PATE1: variants seen among roughly 807,000 people sequenced by gnomAD.
PATE1 encodes the protein prostate and testis expressed protein 1.
PATE1 carries 21 observed loss-of-function variants against 13.1 expected under a neutral mutation model. That is an observed-to-expected ratio of 1.61 (90% CI 1.14 to 2.31). PATE1 has a LOEUF of 2.31. Among genes scored for constraint, PATE1 ranks in the 30% most tolerant of loss-of-function variants. PATE1 has a pLI of 0.00. For missense variants in PATE1, 166 were observed against 147.2 expected, an observed-to-expected ratio of 1.13 and a Z score of -0.66; for synonymous variants, 52 against 47.1, an observed-to-expected ratio of 1.10 and a Z score of -0.43.
chr11:125,747,987 G>A (rs1943288800), intron 4 of PATE1, 165 bp downstream of exon 4: 8 of 1,051,738 alleles, frequency 7.6e-6, no homozygotes, highest in Non-Finnish European at 6.7e-6. Flanking sequence ...AAAATTAGAT[G>A]GAGGTGGTCA....
Position 125,746,642 on chromosome 11 carries a change from C to A in PATE1, c.53-19C>A, listed in dbSNP as rs1193800300. On this transcript the variant is annotated intron_variant, in intron 1 of 4. Transcript: ENST00000305738. Reference sequence around the variant, plus strand: ...AAAATGAGGTCTGCAGACAGTGTATCTCTTTTTTTTTCCAACAGCATTATC... The same window carrying A: ...AAAATGAGGTCTGCAGACAGTGTATATCTTTTTTTTTCCAACAGCATTATC... 1 of 1,613,344 alleles carries A rather than the reference C, an allele frequency of 6.2e-7. No homozygotes were observed.
In PATE1 at chr11:125,748,698, T is replaced by A. The variant is rs1243525303; in HGVS notation, c.346T>A (p.Cys116Ser). ...WSVYLVNFRCCRSHDLCNEDL is the reference protein window; with the variant it reads ...WSVYLVNFRCSRSHDLCNEDL ...TGTCTATTTGGTGAACTTCAGGTGC[T>A]GCAGGAGCCATGACCTGTGCAATGA... The change falls in exon 5 of 5, where the codon TGC (cysteine) becomes AGC (serine). Residue 116 changes from cysteine to serine, a missense_variant. Transcript: ENST00000305738. The A allele has an allele frequency of 4.3e-6, 7 of 1,613,810 alleles. No individual in the cohort carries two copies. Among genetic ancestry groups the A allele is most frequent in the Admixed American group, 1.7e-5 (1 of 59,988 alleles).
Position 125,748,814 on chromosome 11 carries a change from TCACACACA to T in PATE1, c.*95_*102del. ...CTTCACAATGACTTTCTAAAAAAAA[TCACACACA>T]CACACACACACACTACAGAAGAGGA... On this transcript the variant is annotated 3_prime_UTR_variant, in exon 5 of 5. Coordinates refer to ENST00000305738, the MANE Select transcript of PATE1 (RefSeq NM_138294.3). 1.9e-6 allele frequency: 2 copies of T among 1,043,796 alleles called. No individual in the cohort carries two copies. Among genetic ancestry groups the T allele is most frequent in the Non-Finnish European group, 2.6e-6 (2 of 767,966 alleles). The allele number at this position is 1,043,796 out of a possible 1,614,324, so 64.7% of individuals were successfully genotyped here.
chr11:125,748,702 G>A lies in PATE1; in HGVS notation c.350G>A (p.Arg117Lys), dbSNP rs763058421. The A allele has an allele frequency of 7.4e-6, 12 of 1,613,900 alleles. No homozygotes were observed. The highest frequency in any genetic ancestry group is 1.0e-5 in the Non-Finnish European group (12 of 1,179,890). The change falls in exon 5 of 5, where the codon AGG becomes AAG. Residue 117 changes from arginine (R) to lysine (K), a missense_variant. Physicochemically the swap from Arg to Lys is conservative, Grantham distance 26. Transcript: ENST00000305738. ...SVYLVNFRCC[R>K]SHDLCNEDL ...TATTTGGTGAACTTCAGGTGCTGCA[G>A]GAGCCATGACCTGTGCAATGAAGAC...
chr11:125,747,942 G>A, intron 4 of PATE1, 120 bp downstream of exon 4: 1 of 1,424,610 alleles, frequency 7.0e-7, no homozygotes. Flanking sequence ...TACCTGGGAT[G>A]GCTGATTCCT....
In PATE1 at chr11:125,749,177, A is replaced by G. The variant is rs1428047078; in HGVS notation, c.*444A>G. The G allele has an allele frequency of 1.3e-5, 2 of 152,786 alleles. No individual in the cohort carries two copies. The highest frequency in any genetic ancestry group is 2.4e-5 in the African/African-American group (1 of 41,452). 9.5% of individuals were successfully genotyped at this position (152,786 alleles called of 1,614,324 possible). A position where few individuals can be genotyped will look rare whatever the true frequency, so the allele number is the denominator to read the frequency against. On this transcript the variant is annotated 3_prime_UTR_variant, in exon 5 of 5. Transcript: ENST00000305738. ...TCTTATCCCACTCCAAAGAAAGCAC[A>G]TAACTGTGGCCTGAAGGGATGGGGA...
Position 125,748,820 on chromosome 11 carries a change from A to T in PATE1, c.*87A>T. 7.1e-7 allele frequency: 1 copy of T among 1,409,612 alleles called. No individual in the cohort carries two copies. Among genetic ancestry groups the T allele is most frequent in the African/African-American group, 1.4e-5 (1 of 69,316 alleles). The allele number at this position is 1,409,612 out of a possible 1,614,324, so 87.3% of individuals were successfully genotyped here. A position where few individuals can be genotyped will look rare whatever the true frequency, so the allele number is the denominator to read the frequency against. On this transcript the variant is annotated 3_prime_UTR_variant, in exon 5 of 5. Coordinates refer to ENST00000305738, the MANE Select transcript of PATE1 (RefSeq NM_138294.3). Reference sequence around the variant, plus strand: ...AATGACTTTCTAAAAAAAATCACACACACACACACACACACTACAGAAGAG... The same window carrying T: ...AATGACTTTCTAAAAAAAATCACACTCACACACACACACACTACAGAAGAG...
In PATE1 at chr11:125,748,705, G is replaced by A. The variant is rs771196448; in HGVS notation, c.353G>A (p.Ser118Asn). 5 of 1,613,752 alleles carry A rather than the reference G, an allele frequency of 3.1e-6. No homozygotes were observed. The highest frequency in any genetic ancestry group is 4.2e-6 in the Non-Finnish European group (5 of 1,179,870). ...VYLVNFRCCRSHDLCNEDL is the reference protein window; with the variant it reads ...VYLVNFRCCRNHDLCNEDL ...TTGGTGAACTTCAGGTGCTGCAGGA[G>A]CCATGACCTGTGCAATGAAGACCTT... The change falls in exon 5 of 5, where the codon AGC (serine) becomes AAC (asparagine). Residue 118 changes from serine (S) to asparagine (N), a missense_variant. Transcript: ENST00000305738.
intron 2 of PATE1, 64 bp downstream of exon 2, chr11:125,746,760 T>G (rs1276691096): frequency 6.3e-7 from 1 of 1,580,776 alleles, no homozygotes; most frequent in African/African-American, 1.4e-5. Context: ...ATGAGTGGGG[T>G]GAGGTGAGCA....
chr11:125,747,960 C>T, intron 4 of PATE1, 138 bp downstream of exon 4: 3 of 1,265,460 alleles, frequency 2.4e-6, no homozygotes, highest in Non-Finnish European at 3.3e-6. Flanking sequence ...CCTTCATCCC[C>T]ATCATATGCC....
In PATE1 at chr11:125,747,242, G is replaced by A. The variant is rs112529572; in HGVS notation, c.89-134G>A. The stretch of plus-strand genomic sequence containing the variant: ...TGCCCAGTAGGTGACTAGGCATTAG[G>A]GGGACAGAGTGGGCCTGGAATGGCT... On this transcript the variant is annotated intron_variant, in intron 2 of 4. Coordinates refer to ENST00000305738, the MANE Select transcript of PATE1 (RefSeq NM_138294.3). 8.6e-5 allele frequency: 64 copies of A among 742,100 alleles called. 1 individual carries two copies. In the African/African-American group the frequency reaches 9.9e-4, roughly 11 times the overall value. 46.0% of individuals were successfully genotyped at this position (742,100 alleles called of 1,614,324 possible).
intron 1 of PATE1, 71 bp downstream of exon 1, chr11:125,746,427 G>T (rs936709226): frequency 1.3e-6 from 2 of 1,517,480 alleles, no homozygotes; most frequent in East Asian, 2.3e-5. Context: ...CATGACAGAG[G>T]CCTTCTCATG....
chr11:125,747,731 C>T lies in PATE1; in HGVS notation c.156C>T (p.His52=), dbSNP rs1445505903. Residue 52 remains histidine (H), a synonymous_variant, in exon 4 of 5, where the codon CAC becomes CAT. Coordinates refer to ENST00000305738, the MANE Select transcript of PATE1 (RefSeq NM_138294.3). ...VIEIVQCRMC[H]LQFPGEKCSR... ...AAATTGTTCAGTGTAGGATGTGCCACCTCCAGTTCCCAGGAGAAAAGTGCT... is the reference window on the plus strand; with the variant it reads ...AAATTGTTCAGTGTAGGATGTGCCATCTCCAGTTCCCAGGAGAAAAGTGCT... The T allele has an allele frequency of 6.2e-7, 1 of 1,613,706 alleles. No homozygotes were observed. The highest frequency in any genetic ancestry group is 8.5e-7 in the Non-Finnish European group (1 of 1,179,720).
At chr11:125,747,927 T>C (rs1943288192) in intron 4 of PATE1, 105 bp downstream of exon 4, 2 of 1,499,304 alleles carry the variant, frequency 1.3e-6, no homozygotes, top group South Asian at 1.3e-5. Context: ...CTATAGGCAG[T>C]CTCATACCTG....
chr11:125,747,181 G>A (rs1943280088), intron 2 of PATE1, among the ~76,000 whole-genome samples, 195 bp from the exon 3 acceptor site: 1 of 152,170 alleles, frequency 6.6e-6, no homozygotes, highest in South Asian at 2.1e-4. Context: ...CCCCGAAGAG[G>A]TGAAGAGATT....
At chr11:125,748,405 C>G (rs1023176690) in intron 4 of PATE1, among the ~76,000 whole-genome samples, 195 bp from the exon 5 acceptor site, 1 of 152,184 alleles carries the variant, frequency 6.6e-6, no homozygotes, top group Non-Finnish European at 1.5e-5. Context: ...CCCAAATGAT[C>G]ATTTTAGACT....
intron 3 of PATE1, 100 bp from the exon 4 acceptor site, chr11:125,747,600 C>T (rs1324132473): frequency 4.2e-5 from 65 of 1,536,200 alleles, no homozygotes; most frequent in Non-Finnish European, 5.3e-5. Context: ...TCTGGCAAAG[C>T]CCTGTGGCTC....
rs763452016 is a variant in PATE1, at chr11:125,747,395, GA to G, written c.113del (p.Asn38ThrfsTer5). The G allele has an allele frequency of 2.2e-5, 35 of 1,612,488 alleles. No individual in the cohort carries two copies. In the East Asian group the frequency reaches 7.6e-4, roughly 35 times the overall value. On this transcript the variant is annotated frameshift_variant, in exon 3 of 5. Coordinates refer to ENST00000305738, the MANE Select transcript of PATE1 (RefSeq NM_138294.3). LOFTEE classifies it high-confidence loss of function. ...NDAVNEIVAV[K>X]NNFPVIEIVQ... The stretch of plus-strand genomic sequence containing the variant: ...GTACAGTCAATGAAATAGTTGCTGT[GA>G]AAAACAATTTTCCTGGTAAGTATGA...
rs1046432537 is a variant in PATE1, at chr11:125,748,696, G to T, written c.344G>T (p.Cys115Phe). The change falls in exon 5 of 5, where the codon TGC (cysteine) becomes TTC (phenylalanine). Residue 115 changes from cysteine to phenylalanine, a missense_variant. Coordinates refer to ENST00000305738, the MANE Select transcript of PATE1 (RefSeq NM_138294.3). ...AGTGTCTATTTGGTGAACTTCAGGT[G>T]CTGCAGGAGCCATGACCTGTGCAAT... ...RWSVYLVNFR[C>F]CRSHDLCNED... 6.2e-7 allele frequency: 1 copy of T among 1,613,730 alleles called. No homozygotes were observed. Among genetic ancestry groups the T allele is most frequent in the African/African-American group, 1.3e-5 (1 of 74,856 alleles).
Sources: gnomAD v4.1 joint callset for allele counts (sites outside exome capture counted in the v4.1 genomes callset) on GRCh38, gnomAD v4.1.1 for gene constraint, MANE v1.5 for transcripts, NCBI Gene and HGNC (gene_info 2026-07-23, HGNC 2026-07-21) for gene names.